SLC30A3: variants seen among roughly 807,000 people sequenced by gnomAD.
SLC30A3 encodes probable proton-coupled zinc antiporter SLC30A3.
A neutral mutation model predicts 35.6 loss-of-function variants in SLC30A3; 20 were observed. The ratio of observed to expected loss-of-function variants is 0.56; its 90% confidence interval spans 0.39 to 0.82. The LOEUF (loss-of-function observed/expected upper bound fraction) is 0.82, where lower values mean the gene tolerates loss of function less well. SLC30A3 is among the 40% of genes least tolerant of loss of function. The probability of loss-of-function intolerance (pLI) is 0.00; values close to 1 mark genes in which losing one functional copy is unlikely to be tolerated. For missense variants in SLC30A3, 401 were observed against 530.6 expected (o/e 0.76, Z 2.40); for synonymous variants, 217 against 224.7 (o/e 0.97, Z 0.31).
At position 27,255,626 on chromosome 2, in the gene SLC30A3, G is replaced by A; in HGVS notation, c.1019-166C>T. ...ACAGCATAAAAGTGTCAAATCAAAT[G>A]TTGGAGAGACTCACCCCAATCAACC... On this transcript the variant is annotated intron_variant, in intron 7 of 7. Transcript: ENST00000233535. This position sits in a 1 kb window ranked among gnomAD's most constrained non-coding sequence, Gnocchi z 5.2. The A allele has an allele frequency of 1.4e-6, 1 of 716,632 alleles. No homozygotes were observed. Among genetic ancestry groups the A allele is most frequent in the Non-Finnish European group, 2.3e-6 (1 of 437,640 alleles). The allele number at this position is 716,632 out of a possible 1,614,324, so 44.4% of individuals were successfully genotyped here.
chr2:27,263,165 C>A, upstream of SLC30A3: 1 of 1,242,176 alleles, frequency 8.1e-7, no homozygotes. Context: ...TTAAGCCCCG[C>A]CCCCACTGCC....
Position 27,255,467 on chromosome 2 carries a change from G to A in SLC30A3, c.1019-7C>T, listed in dbSNP as rs766253594. The A allele has an allele frequency of 1.2e-6, 2 of 1,612,492 alleles. No individual in the cohort carries two copies. The highest frequency in any genetic ancestry group is 1.1e-5 in the South Asian group (1 of 90,592). On this transcript the variant is annotated splice_region_variant and splice_polypyrimidine_tract_variant and intron_variant, in intron 7 of 7. Transcript: ENST00000233535. This position sits in a 1 kb window ranked among gnomAD's most constrained non-coding sequence, Gnocchi z 5.2. ...TCAGGGTCAGCGGTGGAGTCTGTGG[G>A]AGAGTGATAAGAGGCGGCATCCATC...
chr2:27,256,910 C>G lies in SLC30A3; in HGVS notation c.778-17G>C. The G allele has an allele frequency of 6.4e-7, 1 of 1,565,236 alleles. No individual in the cohort carries two copies. Among genetic ancestry groups the G allele is most frequent in the Non-Finnish European group, 8.7e-7 (1 of 1,143,274 alleles). ...GTATTGAGGCTGCAGAGAAAGAGAC[C>G]CCTAAGCCCAACAACCAGGGACCTT... On this transcript the variant is annotated splice_polypyrimidine_tract_variant and intron_variant, in intron 5 of 7. Transcript: ENST00000233535.
Position 27,256,451 on chromosome 2 carries a change from G to A in SLC30A3, c.953C>T (p.Thr318Ile). The A allele has an allele frequency of 6.2e-7, 1 of 1,614,130 alleles. No individual in the cohort carries two copies. Among genetic ancestry groups the A allele is most frequent in the Non-Finnish European group, 8.5e-7 (1 of 1,180,030 alleles). ...AAGGGCCCACAGGTGCAGCTCATGG[G>A]TTGCCCGGACTCCTGGCACCGACAA... is the stretch of plus-strand genomic sequence containing the variant. ...TLLSVPGVRA[T>I]HELHLWALTL... Residue 318 changes from threonine to isoleucine, a missense_variant, in exon 7 of 8, where the codon ACC becomes ATC. Physicochemically the swap from Thr to Ile is moderately conservative, Grantham distance 89 (BLOSUM62 -1). This residue lies in a region of SLC30A3 where 296 missense variants were observed against 392.6 expected (regional missense o/e 0.75). Transcript: ENST00000233535.
Position 27,258,748 on chromosome 2 carries a change from C to T in SLC30A3, c.277+5G>A. The T allele has an allele frequency of 1.2e-6, 2 of 1,614,094 alleles. No individual in the cohort carries two copies. The highest frequency in any genetic ancestry group is 1.7e-6 in the Non-Finnish European group (2 of 1,180,014). On this transcript the variant is annotated splice_donor_5th_base_variant and intron_variant, in intron 2 of 7. Coordinates refer to ENST00000233535, the MANE Select transcript of SLC30A3 (RefSeq NM_003459.5). The surrounding 1 kb of genome is among the most constrained non-coding windows in gnomAD (Gnocchi z 4.0). Reference sequence around the variant, plus strand: ...ATGGGGTTTAAGGGCTGCTCCCCAACTTACCGACCACCTCCCCAGCCATGA... The same window carrying T: ...ATGGGGTTTAAGGGCTGCTCCCCAATTTACCGACCACCTCCCCAGCCATGA...
At chr2:27,260,909 C>G (rs752463668) in intron 1 of SLC30A3, among the ~76,000 whole-genome samples, 10 of 152,110 alleles carry the variant, frequency 6.6e-5, no homozygotes, top group Non-Finnish European at 1.3e-4. Flanking sequence ...CAATGAGGTG[C>G]ACCAGGCAGA....
upstream of SLC30A3, among the ~76,000 whole-genome samples, chr2:27,264,624 C>T (rs1208051484): frequency 2.1e-4 from 32 of 152,060 alleles, no homozygotes; most frequent in Non-Finnish European, 7.4e-5. The surrounding 1 kb of genome is among the most constrained non-coding windows in gnomAD (Gnocchi z 6.1). Context: ...CCCCCGGCTG[C>T]GCCAGCCTCT....
chr2:27,255,811 C>A lies in SLC30A3; in HGVS notation c.1019-351G>T. 1 of 240,160 alleles carries A rather than the reference C, an allele frequency of 4.2e-6. No homozygotes were observed. The highest frequency in any genetic ancestry group is 8.1e-6 in the Non-Finnish European group (1 of 123,496). The allele number at this position is 240,160 out of a possible 1,614,324, so 14.9% of individuals were successfully genotyped here. On this transcript the variant is annotated intron_variant, in intron 7 of 7. Transcript: ENST00000233535. This position sits in a 1 kb window ranked among gnomAD's most constrained non-coding sequence, Gnocchi z 5.2. Reference sequence around the variant, plus strand: ...CCCTCTAGAGTTTCCATCAAATATCCCACAAATTATAATATTTTTGGCATA... The same window carrying A: ...CCCTCTAGAGTTTCCATCAAATATCACACAAATTATAATATTTTTGGCATA...
chr2:27,267,591 G>C, upstream of SLC30A3, among the ~76,000 whole-genome samples: 1 of 151,912 alleles, frequency 6.6e-6, no homozygotes, highest in Non-Finnish European at 1.5e-5. Context: ...CATGCTTCAG[G>C]TCTTGACTCA....
chr2:27,261,061 G>A (rs1240978125), intron 1 of SLC30A3, among the ~76,000 whole-genome samples: 1 of 152,138 alleles, frequency 6.6e-6, no homozygotes, highest in African/African-American at 2.4e-5. Flanking sequence ...CAGCGGGCTC[G>A]GAGAACTTCA....
In SLC30A3 at chr2:27,258,491, C is replaced by T; in HGVS notation, c.278-184G>A. ...TTTTCATTCATCTGTATTTTATTTT[C>T]TACAATGATTTATTTTAATAACAAG... On this transcript the variant is annotated intron_variant, in intron 2 of 7. Transcript: ENST00000233535. This position sits in a 1 kb window ranked among gnomAD's most constrained non-coding sequence, Gnocchi z 4.0. The T allele has an allele frequency of 1.5e-6, 1 of 672,122 alleles. No individual in the cohort carries two copies. The allele number at this position is 672,122 out of a possible 1,614,324, so 41.6% of individuals were successfully genotyped here.
intron 7 of SLC30A3, 141 bp downstream of exon 7, chr2:27,256,245 T>A (rs1676842679): frequency 1.1e-6 from 1 of 932,248 alleles, no homozygotes; most frequent in South Asian, 1.6e-5. Context: ...TGTGTGTATG[T>A]GTCTATGTGA....
intron 1 of SLC30A3, among the ~76,000 whole-genome samples, chr2:27,270,296 G>A (rs1220678838): frequency 6.6e-6 from 1 of 152,176 alleles, no homozygotes; most frequent in African/African-American, 2.4e-5. Flanking sequence ...GGAAATGAGA[G>A]TGGTAATTTT....
chr2:27,273,640 G>A (rs538225709), intron 1 of SLC30A3, among the ~76,000 whole-genome samples: 1 of 152,060 alleles, frequency 6.6e-6, no homozygotes, highest in South Asian at 2.1e-4. Flanking sequence ...GGACCAGGTG[G>A]GTAATGCAAA....
rs550505944 is a variant in SLC30A3 at position 27,269,505 on chromosome 2, C to T, written c.-158-5423G>A. ...TACAGGTGTGAGCCACCACACCTGG[C>T]CTTTCTTTTCTTTTTTTACAAACCC... On this transcript the variant is annotated intron_variant, in intron 1 of 5. Transcript: ENST00000424577. Among the ~76,000 whole-genome samples the T allele has an allele frequency of 1.0e-3, 152 of 152,028 alleles. No individual in the cohort carries two copies. In the Middle Eastern group the frequency reaches 0.014, roughly 14 times the overall value.
chr2:27,267,912 G>A (rs1317562893), upstream of SLC30A3, among the ~76,000 whole-genome samples: 2 of 148,676 alleles, frequency 1.3e-5, no homozygotes, highest in Admixed American at 6.7e-5. Flanking sequence ...TCCAGCCTGG[G>A]CAACAAACAA....
In SLC30A3 at chr2:27,257,262, C is replaced by T. The variant is rs138009195; in HGVS notation, c.669G>A (p.Glu223=). 30 of 1,614,046 alleles carry T rather than the reference C, an allele frequency of 1.9e-5. No homozygotes were observed. In the African/African-American group the frequency reaches 3.9e-4, roughly 21 times the overall value. The change falls in exon 5 of 8, where the codon GAG becomes GAA. Residue 223 remains glutamate, a synonymous_variant. Coordinates refer to ENST00000233535, the MANE Select transcript of SLC30A3 (RefSeq NM_003459.5). The surrounding 1 kb of genome is among the most constrained non-coding windows in gnomAD (Gnocchi z 4.7). ...CGCTGGTGTTCCCCAGGGGCAGGGG[C>T]TCTTCAGGCCCCTCCTCCAGCGGTG... ...EYAPLEEGPE[E]PLPLGNTSVR...
chr2:27,256,642 C>A (rs1237206161), intron 6 of SLC30A3, 122 bp from the exon 7 acceptor site: 2 of 1,398,718 alleles, frequency 1.4e-6, no homozygotes, highest in Middle Eastern at 2.0e-4. Context: ...CTACAATTCA[C>A]CCTATGCCCA....
rs377479757 is a variant in SLC30A3, at chr2:27,258,128, T to A, written c.424+33A>T. On this transcript the variant is annotated intron_variant, in intron 3 of 7. Transcript: ENST00000233535. This position sits in a 1 kb window ranked among gnomAD's most constrained non-coding sequence, Gnocchi z 4.0. ...CCCTGACGGGTGCCCTCTGGCAAGA[T>A]TGGAGAGTCACTGGGCCATGCAGGG... 1.2e-6 allele frequency: 2 copies of A among 1,604,048 alleles called. No individual in the cohort carries two copies. Among genetic ancestry groups the A allele is most frequent in the Non-Finnish European group, 1.7e-6 (2 of 1,172,586 alleles).
Sources: allele counts gnomAD v4.1 joint callset (sites outside exome capture counted in the v4.1 genomes callset), GRCh38; gene constraint gnomAD v4.1.1; regional missense constraint gnomAD v4.1.1; non-coding constraint Gnocchi (gnomAD v3.1); transcripts MANE v1.5; gene names NCBI Gene and HGNC (gene_info 2026-07-23, HGNC 2026-07-21).